RBFOX1: variants seen among roughly 807,000 people sequenced by gnomAD.
RBFOX1 encodes the protein RNA binding fox-1 homolog 1.
RBFOX1 carries 8 observed loss-of-function variants against 57.7 expected under a neutral mutation model. That is an observed-to-expected ratio of 0.14 (90% confidence interval 0.08 to 0.25). The LOEUF is 0.25. RBFOX1 is among the 10% of genes least tolerant of loss of function. The pLI is 1.00. For synonymous variants in RBFOX1, 326 were observed against 222.4 expected, an observed-to-expected ratio of 1.47 and a Z score of -4.15; for missense variants, 611 against 548.5, an observed-to-expected ratio of 1.11 and a Z score of -1.14.
intron 2 of RBFOX1, among the ~76,000 whole-genome samples, chr16:5,580,607 C>T (rs749744273): frequency 1.3e-5 from 2 of 152,202 alleles, no homozygotes; most frequent in Non-Finnish European, 2.9e-5. Flanking sequence ...AGGCTTCAGC[C>T]TTCAAACATC....
intron 3 of RBFOX1, among the ~76,000 whole-genome samples, chr16:6,955,781 C>G (rs1168293684): frequency 1.3e-5 from 2 of 152,062 alleles, no homozygotes; most frequent in Admixed American, 6.6e-5. Context: ...TTGGGGCTCA[C>G]TGCAACCTCC....
At chr16:7,532,271 G>A (rs2080286319) in intron 5 of RBFOX1, among the ~76,000 whole-genome samples, 1 of 151,960 alleles carries the variant, frequency 6.6e-6, no homozygotes, top group African/African-American at 2.4e-5. Flanking sequence ...GTTGCCTGGG[G>A]TTCCAGGCGG....
intron 2 of RBFOX1, among the ~76,000 whole-genome samples, chr16:5,583,383 G>A (rs1453159690): frequency 7.2e-5 from 11 of 152,266 alleles, no homozygotes; most frequent in South Asian, 2.1e-4. Context: ...CAATCCCAGC[G>A]GCCATACTTC....
chr16:6,560,299 AAAG>A (rs1319322202), intron 2 of RBFOX1, among the ~76,000 whole-genome samples: 1 of 151,082 alleles, frequency 6.6e-6, no homozygotes, highest in Non-Finnish European at 1.5e-5. Flanking sequence ...GCTATGGAAA[AAAG>A]AAAACCAAAA....
chr16:6,756,691 G>T (rs1487580672), intron 3 of RBFOX1, among the ~76,000 whole-genome samples: 10 of 152,148 alleles, frequency 6.6e-5, no homozygotes, highest in Non-Finnish European at 1.5e-4. Flanking sequence ...AGATATACAG[G>T]CCGGGCCTGG....
chr16:7,548,483 C>T (rs983926992), intron 5 of RBFOX1, among the ~76,000 whole-genome samples: 1 of 152,168 alleles, frequency 6.6e-6, no homozygotes, highest in Non-Finnish European at 1.5e-5. Flanking sequence ...TAAACATTTA[C>T]ATTTGACACT....
At chr16:5,430,275 G>A (rs989443495) in intron 1 of RBFOX1, among the ~76,000 whole-genome samples, 3 of 152,138 alleles carry the variant, frequency 2.0e-5, no homozygotes, top group African/African-American at 7.2e-5. Context: ...TGACCTGGGG[G>A]TCAGGGGAGG....
At chr16:5,432,862 T>C (rs2067796051) in intron 1 of RBFOX1, among the ~76,000 whole-genome samples, 1 of 152,152 alleles carries the variant, frequency 6.6e-6, no homozygotes, top group South Asian at 2.1e-4. Flanking sequence ...CTCGGTTCAC[T>C]GCAAATTCCA....
At chr16:6,813,952 C>T (rs991157287) in intron 3 of RBFOX1, among the ~76,000 whole-genome samples, 4 of 152,162 alleles carry the variant, frequency 2.6e-5, no homozygotes, top group African/African-American at 4.8e-5. Flanking sequence ...AACTATTAAC[C>T]AGTCCTTGCT....
chr16:6,195,740 A>G (rs1475236771), intron 1 of RBFOX1, among the ~76,000 whole-genome samples: 1 of 151,584 alleles, frequency 6.6e-6, no homozygotes, highest in South Asian at 2.1e-4. Context: ...AAAAAAAAAA[A>G]GGTTTGTAGA....
chr16:6,147,706 G>A (rs1011392038), intron 1 of RBFOX1, among the ~76,000 whole-genome samples: 16 of 152,112 alleles, frequency 1.1e-4, no homozygotes, highest in Non-Finnish European at 1.6e-4. Context: ...AACATGTTAC[G>A]TTCAACTCAA....
rs141586179 is a variant in RBFOX1 at position 7,493,215 on chromosome 16, G to C, written c.28-24932G>C. On this transcript the variant is annotated intron_variant, in intron 4 of 15. Coordinates refer to ENST00000550418, the MANE Select transcript of RBFOX1 (RefSeq NM_018723.4). The stretch of plus-strand genomic sequence containing the variant: ...TTTCTTTGTAAAATACCCATTCTCA[G>C]GGATTTCAAGAACAGACTAACACAC... Among the ~76,000 whole-genome samples, 275 of 152,036 alleles carry C rather than the reference G, an allele frequency of 1.8e-3. 2 individuals are homozygous for C. The highest frequency in any genetic ancestry group is 6.4e-3 in the African/African-American group (265 of 41,312).
At chr16:6,850,853 T>C (rs2141960245) in intron 3 of RBFOX1, among the ~76,000 whole-genome samples, 1 of 152,312 alleles carries the variant, frequency 6.6e-6, no homozygotes, top group Admixed American at 6.5e-5. Context: ...TCCCATATAA[T>C]TGAGCAATTG....
At chr16:6,882,800 G>C (rs555613278) in intron 3 of RBFOX1, among the ~76,000 whole-genome samples, 1 of 151,920 alleles carries the variant, frequency 6.6e-6, no homozygotes, top group African/African-American at 2.4e-5. Context: ...CATTCCTGGG[G>C]GGTATCAATT....
intron 2 of RBFOX1, among the ~76,000 whole-genome samples, chr16:5,515,302 A>G (rs529158009): frequency 1.3e-5 from 2 of 152,368 alleles, no homozygotes; most frequent in South Asian, 4.1e-4. Flanking sequence ...TGTAGCTGTC[A>G]GCACTTTGGG....
chr16:7,340,793 CT>C (rs1178064455), intron 4 of RBFOX1, among the ~76,000 whole-genome samples: 1 of 152,194 alleles, frequency 6.6e-6, no homozygotes, highest in Non-Finnish European at 1.5e-5. Flanking sequence ...TATAAATTCA[CT>C]TTTTTAAATT....
intron 3 of RBFOX1, among the ~76,000 whole-genome samples, chr16:6,920,785 C>G (rs192071977): frequency 2.0e-5 from 3 of 152,268 alleles, no homozygotes; most frequent in Non-Finnish European, 4.4e-5. Context: ...TCTTCTCCTC[C>G]TCTTAGGAGA....
chr16:7,610,353 T>C (rs1205959594), intron 10 of RBFOX1, among the ~76,000 whole-genome samples: 1 of 151,694 alleles, frequency 6.6e-6, no homozygotes, highest in Non-Finnish European at 1.5e-5. Flanking sequence ...ACTTCTGACC[T>C]CAAGTGATGC....
intron 3 of RBFOX1, among the ~76,000 whole-genome samples, chr16:6,655,840 T>A (rs1473050410): frequency 6.6e-6 from 1 of 152,204 alleles, no homozygotes; most frequent in African/African-American, 2.4e-5. Flanking sequence ...CAGCTCTGAT[T>A]GTATCATGAC....
Sources: gnomAD v4.1 joint callset for allele counts (sites outside exome capture counted in the v4.1 genomes callset) on GRCh38, gnomAD v4.1.1 for gene constraint, MANE v1.5 for transcripts, NCBI Gene and HGNC (gene_info 2026-07-23, HGNC 2026-07-21) for gene names.